The following NR3C2 variants were observed in gnomAD, a reference collection of about 807,000 sequenced individuals.
The protein encoded by NR3C2 is mineralocorticoid receptor.
Under a neutral mutation model 86.4 loss-of-function variants are expected in NR3C2, and 15 were observed. The observed-to-expected ratio is 0.17, with a 90% CI of 0.12 to 0.27. NR3C2 has a LOEUF of 0.27. NR3C2 is among the 10% of genes least tolerant of loss of function. NR3C2 has a pLI of 1.00. For missense variants in NR3C2, 960 were observed against 1,195.6 expected (o/e 0.80, Z 2.91); for synonymous variants, 458 against 450.5 (o/e 1.02, Z -0.21).
chr4:148,158,988 C>A (rs911225354), intron 4 of NR3C2, among the ~76,000 whole-genome samples: 1 of 152,082 alleles, frequency 6.6e-6, no homozygotes, highest in Admixed American at 6.5e-5. Flanking sequence ...TTCAGCCATG[C>A]GTATTTACCC....
chr4:148,355,911 CT>C (rs752961833), intron 2 of NR3C2, among the ~76,000 whole-genome samples: 4 of 152,174 alleles, frequency 2.6e-5, no homozygotes, highest in Non-Finnish European at 5.9e-5. Context: ...CTTTCTGGGC[CT>C]GTCATTTCCT....
chr4:148,114,254 C>A lies in NR3C2; in HGVS notation c.2649G>T (p.Lys883Asn). 6.2e-7 allele frequency: 1 copy of A among 1,613,880 alleles called. No homozygotes were observed. Among genetic ancestry groups the A allele is most frequent in the South Asian group, 1.1e-5 (1 of 91,060 alleles). The change falls in exon 8 of 9, where the codon AAG becomes AAT. Residue 883 changes from lysine (K) to asparagine (N), a missense_variant. By Grantham distance (94) the Lys-to-Asn change is moderately conservative. This residue lies in a region of NR3C2 where 151 missense variants were observed against 296.3 expected (regional missense o/e 0.51). Coordinates refer to ENST00000358102, the MANE Select transcript of NR3C2 (RefSeq NM_000901.5). ...ATGCAGCCTGGCTTTTGAGGCCATC[C>A]TTTGGAACTGTGTTAAGGAAAACAG... The part of the protein sequence containing the change: ...KVLLLLSTIP[K>N]DGLKSQAAFE...
intron 2 of NR3C2, among the ~76,000 whole-genome samples, chr4:148,342,646 TA>T (rs1157069499): frequency 1.3e-5 from 2 of 152,210 alleles, no homozygotes; most frequent in African/African-American, 2.4e-5. Context: ...GGGATTTTTT[TA>T]AACTGCTATT....
intron 2 of NR3C2, among the ~76,000 whole-genome samples, chr4:148,392,490 C>A (rs80257268): frequency 6.6e-6 from 1 of 152,176 alleles, no homozygotes; most frequent in African/African-American, 2.4e-5. Context: ...ATTTGCACTG[C>A]ACTGTAACTT....
chr4:148,253,751 C>G (rs769426001), intron 3 of NR3C2, among the ~76,000 whole-genome samples: 10 of 152,144 alleles, frequency 6.6e-5, no homozygotes, highest in Non-Finnish European at 1.3e-4. Flanking sequence ...TAGCCAATCA[C>G]CTTTTCATAT....
intron 4 of NR3C2, among the ~76,000 whole-genome samples, chr4:148,178,941 A>AC (rs1735517276): frequency 1.3e-5 from 2 of 151,002 alleles, no homozygotes; most frequent in South Asian, 2.1e-4. Flanking sequence ...GTAAAAAAAA[A>AC]AAAAAACAAA....
chr4:148,339,791 T>A (rs1430293467), intron 2 of NR3C2, among the ~76,000 whole-genome samples: 3 of 152,120 alleles, frequency 2.0e-5, no homozygotes, highest in African/African-American at 7.2e-5. Context: ...ACATGGTATA[T>A]TTAAGAACCT....
Position 148,097,227 on chromosome 4 carries a change from CTGTCATACATGTCTCACAT to C in NR3C2, c.2800-15747_2800-15729del, listed in dbSNP as rs565197467. Among the ~76,000 whole-genome samples, 74 of 152,330 alleles carry C rather than the reference CTGTCATACATGTCTCACAT, an allele frequency of 4.9e-4. 1 individual carries two copies. In the South Asian group the frequency reaches 0.015, roughly 32 times the overall value. On this transcript the variant is annotated intron_variant, in intron 8 of 8. Transcript: ENST00000358102. ...AATTTGTCATTCAAATAGACAACCT[CTGTCATACATGTCTCACAT>C]TTTTGGCTGTTCCTTCAGGAGTCAT...
Position 148,220,086 on chromosome 4 carries a change from C to T in NR3C2, c.1898-25224G>A, listed in dbSNP as rs1737756118. ...CACAGGTATACACCACTACACCCAGCTAATTTTTTTTTTCTTTTAAGACCG... is the reference window on the plus strand; with the variant it reads ...CACAGGTATACACCACTACACCCAGTTAATTTTTTTTTTCTTTTAAGACCG... On this transcript the variant is annotated intron_variant, in intron 3 of 8. Coordinates refer to ENST00000358102, the MANE Select transcript of NR3C2 (RefSeq NM_000901.5). Among the ~76,000 whole-genome samples the T allele has an allele frequency of 2.7e-5, 3 of 110,248 alleles. No homozygotes were observed. In the South Asian group the frequency reaches 1.0e-3, roughly 38 times the overall value. The allele number at this position is 110,248 out of a possible 152,430, so 72.3% of individuals were successfully genotyped here.
intron 2 of NR3C2, among the ~76,000 whole-genome samples, chr4:148,281,121 C>T (rs1057243062): frequency 1.3e-5 from 2 of 152,186 alleles, no homozygotes; most frequent in Non-Finnish European, 2.9e-5. Flanking sequence ...TCTCTAAGTT[C>T]ACAAGGACCC....
chr4:148,344,677 A>G (rs1744905919), intron 2 of NR3C2, among the ~76,000 whole-genome samples: 1 of 152,180 alleles, frequency 6.6e-6, no homozygotes, highest in African/African-American at 2.4e-5. Context: ...GGTCAACATT[A>G]CTACTATTGT....
At chr4:148,105,431 G>A (rs1309893809) in intron 8 of NR3C2, among the ~76,000 whole-genome samples, 4 of 152,132 alleles carry the variant, frequency 2.6e-5, no homozygotes, top group South Asian at 4.1e-4. Flanking sequence ...ATTCACAGCC[G>A]AATTCTACGG....
At chr4:148,314,220 G>A (rs1743048136) in intron 2 of NR3C2, among the ~76,000 whole-genome samples, 1 of 152,074 alleles carries the variant, frequency 6.6e-6, no homozygotes, top group African/African-American at 2.4e-5. Flanking sequence ...ATGACAAGAG[G>A]GAGAGAAAGC....
chr4:148,381,255 C>A (rs891036099), intron 2 of NR3C2, among the ~76,000 whole-genome samples: 1 of 151,370 alleles, frequency 6.6e-6, no homozygotes, highest in African/African-American at 2.4e-5. Flanking sequence ...AGAGGAAGAA[C>A]ATTAGGATAA....
At chr4:148,280,332 A>C (rs988691795) in intron 2 of NR3C2, among the ~76,000 whole-genome samples, 1 of 152,218 alleles carries the variant, frequency 6.6e-6, no homozygotes, top group Non-Finnish European at 1.5e-5. Context: ...TCAATTTATA[A>C]ATACAGTTAC....
chr4:148,373,397 T>G (rs1233049372), intron 2 of NR3C2, among the ~76,000 whole-genome samples: 3 of 151,944 alleles, frequency 2.0e-5, no homozygotes, highest in Non-Finnish European at 4.4e-5. Flanking sequence ...GTTATCCAGG[T>G]AGGTATATGC....
intron 6 of NR3C2, among the ~76,000 whole-genome samples, chr4:148,151,791 C>T (rs192481741): frequency 1.3e-5 from 2 of 152,088 alleles, no homozygotes; most frequent in Admixed American, 1.3e-4. Context: ...ATTTCTTGAC[C>T]CAACAATTAC....
At chr4:148,364,885 C>T (rs1261943569) in intron 2 of NR3C2, among the ~76,000 whole-genome samples, 2 of 149,792 alleles carry the variant, frequency 1.3e-5, no homozygotes, top group Non-Finnish European at 1.5e-5. Context: ...CAAGTCTAAA[C>T]ATGAAATTCA....
At chr4:148,096,648 T>C (rs1250556378) in intron 8 of NR3C2, among the ~76,000 whole-genome samples, 1 of 152,174 alleles carries the variant, frequency 6.6e-6, no homozygotes, top group African/African-American at 2.4e-5. Context: ...GCCTCATGCT[T>C]TTAAGTTTTT....
Sources: gnomAD v4.1 joint callset for allele counts (sites outside exome capture counted in the v4.1 genomes callset) on GRCh38, gnomAD v4.1.1 for gene constraint, gnomAD v4.1.1 regional missense constraint, MANE v1.5 for transcripts, NCBI Gene and HGNC (gene_info 2026-07-23, HGNC 2026-07-21) for gene names.